The following SOX5 variants were observed in gnomAD, a reference collection of about 807,000 sequenced individuals.
SOX5 encodes SRY-box transcription factor 5.
SOX5 carries 9 observed loss-of-function variants against 92.0 expected under a neutral mutation model. The observed-to-expected ratio is 0.10, with a 90% confidence interval of 0.06 to 0.17. The LOEUF (loss-of-function observed/expected upper bound fraction) is 0.17. Among genes scored for constraint, SOX5 ranks in the 10% least tolerant of loss-of-function variants. The pLI is 1.00. For synonymous variants in SOX5, 344 were observed against 336.3 expected, an observed-to-expected ratio of 1.02 and a Z score of -0.25; for missense variants, 642 against 944.5, an observed-to-expected ratio of 0.68 and a Z score of 4.20.
At chr12:23,894,850 G>T (rs1477854015) in intron 2 of SOX5, among the ~76,000 whole-genome samples, 1 of 152,088 alleles carries the variant, frequency 6.6e-6, no homozygotes, top group Non-Finnish European at 1.5e-5. Context: ...ATATATTTTT[G>T]TTGGTGTAAT....
intron 4 of SOX5, among the ~76,000 whole-genome samples, chr12:24,151,246 C>A (rs1224024465): frequency 6.6e-6 from 1 of 151,896 alleles, no homozygotes; most frequent in Non-Finnish European, 1.5e-5. Flanking sequence ...GAGGAGAGGG[C>A]AACATTTTAA....
intron 2 of SOX5, among the ~76,000 whole-genome samples, chr12:24,366,879 G>A (rs906948709): frequency 1.3e-5 from 2 of 151,812 alleles, no homozygotes; most frequent in African/African-American, 4.8e-5. Flanking sequence ...CACAATGCAG[G>A]ATTATTTTCT....
chr12:24,036,880 C>T (rs1041270999), intron 4 of SOX5, among the ~76,000 whole-genome samples: 4 of 152,076 alleles, frequency 2.6e-5, no homozygotes, highest in Admixed American at 6.6e-5. Context: ...ATAAAGAATC[C>T]TTTTATTGTA....
At chr12:24,092,510 A>G (rs1175931978) in intron 4 of SOX5, among the ~76,000 whole-genome samples, 1 of 152,188 alleles carries the variant, frequency 6.6e-6, no homozygotes, top group Non-Finnish European at 1.5e-5. Context: ...ATGCCGCCTC[A>G]ATATAGATGC....
intron 4 of SOX5, among the ~76,000 whole-genome samples, chr12:24,068,382 C>A (rs924479428): frequency 6.6e-6 from 1 of 151,632 alleles, no homozygotes; most frequent in Non-Finnish European, 1.5e-5. Flanking sequence ...GAATAAAGAG[C>A]AATGTAAAGC....
At chr12:23,730,817 A>C (rs183102843) in intron 6 of SOX5, among the ~76,000 whole-genome samples, 12 of 152,220 alleles carry the variant, frequency 7.9e-5, no homozygotes, top group African/African-American at 2.7e-4. Flanking sequence ...AGAAAGAATT[A>C]AAAAGGCCAA....
chr12:23,979,696 A>ATTTT (rs1248234590), intron 4 of SOX5, among the ~76,000 whole-genome samples: 1 of 27,426 alleles, frequency 3.6e-5, no homozygotes, highest in East Asian at 1.4e-3. Context: ...ATATATATAT[A>ATTTT]TGTTTTTTTT....
intron 2 of SOX5, among the ~76,000 whole-genome samples, chr12:24,366,720 T>C (rs1423999375): frequency 6.6e-6 from 1 of 152,120 alleles, no homozygotes; most frequent in East Asian, 1.9e-4. Flanking sequence ...CTAGTGTAAA[T>C]TCCCCCCTGT....
intron 6 of SOX5, among the ~76,000 whole-genome samples, chr12:23,728,139 G>T (rs1220807908): frequency 6.6e-6 from 1 of 152,160 alleles, no homozygotes; most frequent in African/African-American, 2.4e-5. Context: ...TCAAATGGAA[G>T]TTATGCATCC....
At chr12:24,394,170 A>C (rs960227643) in intron 1 of SOX5, among the ~76,000 whole-genome samples, 2 of 152,164 alleles carry the variant, frequency 1.3e-5, no homozygotes, top group African/African-American at 4.8e-5. Flanking sequence ...TCTTGGGCTA[A>C]TCATGCCCCA....
chr12:24,376,811 A>T (rs1363841652), intron 1 of SOX5, among the ~76,000 whole-genome samples: 1 of 139,850 alleles, frequency 7.2e-6, no homozygotes, highest in East Asian at 2.2e-4. Flanking sequence ...GGCTCAGGTG[A>T]TCCTCCCACC....
At chr12:24,482,808 G>A (rs1946141344) in intron 1 of SOX5, among the ~76,000 whole-genome samples, 1 of 152,148 alleles carries the variant, frequency 6.6e-6, no homozygotes, top group East Asian at 1.9e-4. Flanking sequence ...ATGCACACTT[G>A]AAACGTAAAT....
chr12:23,858,314 T>C (rs1255655799), intron 2 of SOX5, among the ~76,000 whole-genome samples: 2 of 151,972 alleles, frequency 1.3e-5, no homozygotes, highest in African/African-American at 4.8e-5. Context: ...AGGTCTAAAA[T>C]CCAGCATCTA....
chr12:23,683,740 A>G (rs2087033996), intron 6 of SOX5, among the ~76,000 whole-genome samples: 1 of 152,042 alleles, frequency 6.6e-6, no homozygotes, highest in Non-Finnish European at 1.5e-5. Flanking sequence ...TTATTAGCAA[A>G]TAGTGTTTAC....
At chr12:23,570,594 A>C (rs935641473) in intron 10 of SOX5, among the ~76,000 whole-genome samples, 1 of 151,732 alleles carries the variant, frequency 6.6e-6, no homozygotes, top group Non-Finnish European at 1.5e-5. Flanking sequence ...ACTGGACAAC[A>C]TGAGAAAACC....
intron 9 of SOX5, among the ~76,000 whole-genome samples, chr12:23,601,682 G>A (rs1411816368): frequency 1.3e-5 from 2 of 152,156 alleles, no homozygotes; most frequent in Admixed American, 6.5e-5. Flanking sequence ...ATTATGCTAT[G>A]TATAAACGTC....
At chr12:24,524,218 C>T (rs1053685266) in intron 1 of SOX5, among the ~76,000 whole-genome samples, 2 of 152,200 alleles carry the variant, frequency 1.3e-5, no homozygotes, top group African/African-American at 4.8e-5. Flanking sequence ...CTGGTTCTGA[C>T]GTTTTAAGAC....
At chr12:24,442,583 TTAA>T (rs1940809529) in intron 1 of SOX5, among the ~76,000 whole-genome samples, 1 of 152,174 alleles carries the variant, frequency 6.6e-6, no homozygotes, top group East Asian at 1.9e-4. Flanking sequence ...AGAGGAGACG[TTAA>T]TGAGAAAGTC....
At chr12:23,952,458 C>T (rs1033159170), upstream of SOX5, among the ~76,000 whole-genome samples, 2 of 152,076 alleles carry the variant, frequency 1.3e-5, no homozygotes, top group Non-Finnish European at 2.9e-5. Context: ...TTAGAATCTT[C>T]CTTATATTTG....
Sources: gnomAD v4.1 joint callset for allele counts (sites outside exome capture counted in the v4.1 genomes callset) on GRCh38, gnomAD v4.1.1 for gene constraint, MANE v1.5 for transcripts, NCBI Gene and HGNC (gene_info 2026-07-23, HGNC 2026-07-21) for gene names.